ARHGAP39: variants seen among roughly 807,000 people sequenced by gnomAD.
ARHGAP39 encodes the protein Rho GTPase activating protein 39, also known as rho GTPase-activating protein 39.
A neutral mutation model predicts 106.9 loss-of-function variants in ARHGAP39; 44 were observed. The observed-to-expected ratio is 0.41, with a 90% CI of 0.32 to 0.53. The LOEUF (loss-of-function observed/expected upper bound fraction) is 0.53, where lower values mean the gene tolerates loss of function less well. Ranked by LOEUF, ARHGAP39 falls within the 20% of genes least tolerant of loss-of-function variation. The pLI, the probability that ARHGAP39 is intolerant of heterozygous loss-of-function variation, is 0.21. For missense variants in ARHGAP39, 1,496 were observed against 1,577.3 expected (o/e 0.95, Z 0.87); for synonymous variants, 768 against 693.2 (o/e 1.11, Z -1.69).
In ARHGAP39 at chr8:144,579,067, T is replaced by C. The variant is rs556472945; in HGVS notation, c.512+1779A>G. On this transcript the variant is annotated intron_variant, in intron 3 of 11. Transcript: ENST00000377307. ...AACACAAAAAATTAGCTGGGCGTGGTGGCAGGTGCCTGTAGTCCCAGCTAC... is the reference window on the plus strand; with the variant it reads ...AACACAAAAAATTAGCTGGGCGTGGCGGCAGGTGCCTGTAGTCCCAGCTAC... Among the ~76,000 whole-genome samples the C allele has an allele frequency of 1.4e-3, 210 of 151,572 alleles. 1 individual carries two copies. Among genetic ancestry groups the C allele is most frequent in the Middle Eastern group, 3.4e-3 (1 of 290 alleles).
intron 1 of ARHGAP39, among the ~76,000 whole-genome samples, chr8:144,685,122 C>T (rs981381592): frequency 2.0e-5 from 3 of 148,550 alleles, no homozygotes; most frequent in South Asian, 4.2e-4. Context: ...CAGGGGCACA[C>T]TCACACCCAT....
intron 7 of ARHGAP39, 107 bp from the exon 8 acceptor site, chr8:144,534,309 G>A: frequency 7.8e-7 from 1 of 1,285,458 alleles, no homozygotes; most frequent in Non-Finnish European, 1.1e-6. Flanking sequence ...GGCTGGGCTG[G>A]CCTTGCCCCG....
At chr8:144,551,932 T>C (rs1817708934) in intron 4 of ARHGAP39, among the ~76,000 whole-genome samples, 1 of 152,150 alleles carries the variant, frequency 6.6e-6, no homozygotes, top group Admixed American at 6.6e-5. Context: ...CCAGGGCAAG[T>C]GGAATCCCAG....
intron 7 of ARHGAP39, among the ~76,000 whole-genome samples, chr8:144,536,605 A>G (rs1472786468): frequency 1.3e-5 from 2 of 152,116 alleles, no homozygotes; most frequent in South Asian, 2.1e-4. Context: ...TCACCCCTAC[A>G]TTGCAGCTGG....
chr8:144,543,954 GACATTCCC>G (rs1564838206), intron 6 of ARHGAP39: 101 of 152,500 alleles, frequency 6.6e-4, no homozygotes, highest in African/African-American at 2.2e-3. Flanking sequence ...GCTCAGGCAC[GACATTCCC>G]AGGCCCCTCT....
At chr8:144,563,455 T>G (rs972806142) in intron 3 of ARHGAP39, among the ~76,000 whole-genome samples, 5 of 152,208 alleles carry the variant, frequency 3.3e-5, no homozygotes, top group Non-Finnish European at 7.4e-5. Context: ...AGTCTCTGCA[T>G]GAGAAAAACC....
chr8:144,572,130 A>G (rs905418174), intron 3 of ARHGAP39, among the ~76,000 whole-genome samples: 1 of 152,240 alleles, frequency 6.6e-6, no homozygotes, highest in African/African-American at 2.4e-5. Flanking sequence ...AAATTACTTT[A>G]AAGTTCAGAT....
At position 144,547,838 on chromosome 8, in the gene ARHGAP39, G is replaced by T. The variant is rs1817517282; in HGVS notation, c.1248C>A (p.His416Gln). ...CACCGCCGGGGTTGGGCGCGTACTT[G>T]TGCCGCGGGCCGGCGCGCAGCTTGG... ...SSPKLRAGPR[H>Q]KYAPNPGGGS... The change falls in exon 5 of 12, where the codon CAC (histidine) becomes CAA (glutamine). Residue 416 changes from histidine (H) to glutamine (Q), a missense_variant. By Grantham distance (24) the His-to-Gln change is conservative. Coordinates refer to ENST00000377307, the MANE Select transcript of ARHGAP39 (RefSeq NM_025251.3). The surrounding 1 kb of genome is among the most constrained non-coding windows in gnomAD (Gnocchi z 5.2). The T allele has an allele frequency of 6.3e-7, 1 of 1,590,122 alleles. No homozygotes were observed.
chr8:144,690,400 A>G (rs1480949727), upstream of ARHGAP39, among the ~76,000 whole-genome samples: 3 of 151,948 alleles, frequency 2.0e-5, no homozygotes, highest in Admixed American at 2.0e-4. Context: ...GCCACTGCAA[A>G]ATTGTACCAT....
At chr8:144,530,996 G>A (rs1474564418) in intron 10 of ARHGAP39, 125 bp from the exon 11 acceptor site, 2 of 1,267,718 alleles carry the variant, frequency 1.6e-6, no homozygotes, top group Non-Finnish European at 2.1e-6. Context: ...GGCTCATTCT[G>A]GACAGGGCCC....
intron 2 of ARHGAP39, among the ~76,000 whole-genome samples, chr8:144,595,939 T>C (rs919007700): frequency 1.3e-5 from 2 of 152,086 alleles, no homozygotes; most frequent in Non-Finnish European, 2.9e-5. Context: ...CTGCTCCTCT[T>C]TCTATCCTTA....
intron 2 of ARHGAP39, among the ~76,000 whole-genome samples, chr8:144,588,026 C>T (rs1485461625): frequency 1.3e-5 from 2 of 152,192 alleles, no homozygotes; most frequent in South Asian, 2.1e-4. Flanking sequence ...ATGCAGAGCT[C>T]GAGACACCGA....
chr8:144,582,444 C>T (rs1056889223), intron 2 of ARHGAP39, among the ~76,000 whole-genome samples: 2 of 152,228 alleles, frequency 1.3e-5, no homozygotes, highest in Non-Finnish European at 2.9e-5. Flanking sequence ...CACACAGTGG[C>T]GGCGGCCCCA....
In ARHGAP39 at chr8:144,591,877, G is replaced by C. The variant is rs777806531; in HGVS notation, c.81-10600C>G. ...GATGGCGGCGTCGCCTCGTCGCCTC[G>C]TGCCTGCGGGGAGTGCTGCCTGTGG... On this transcript the variant is annotated intron_variant, in intron 2 of 11. Coordinates refer to ENST00000377307, the MANE Select transcript of ARHGAP39 (RefSeq NM_025251.3). This position sits in a 1 kb window ranked among gnomAD's most constrained non-coding sequence, Gnocchi z 5.3. Among the ~76,000 whole-genome samples the C allele has an allele frequency of 1.3e-5, 2 of 152,128 alleles. No homozygotes were observed. The highest frequency in any genetic ancestry group is 4.8e-5 in the African/African-American group (2 of 41,430).
At chr8:144,537,082 G>A (rs957265688) in intron 7 of ARHGAP39, among the ~76,000 whole-genome samples, 6 of 152,128 alleles carry the variant, frequency 3.9e-5, no homozygotes, top group East Asian at 1.9e-4. Flanking sequence ...GTCTGACAGC[G>A]TAGCTCTCAA....
chr8:144,675,188 G>T (rs1289421899), intron 1 of ARHGAP39, among the ~76,000 whole-genome samples: 1 of 152,108 alleles, frequency 6.6e-6, no homozygotes, highest in Non-Finnish European at 1.5e-5. Context: ...CTCCAGACAA[G>T]CCACCAATGC....
At chr8:144,698,978 G>A in the ARHGAP39 span, 5 of 426,990 alleles carry the variant, frequency 1.2e-5, no homozygotes, top group Non-Finnish European at 2.4e-5. Context: ...CCCCAGCCGC[G>A]TTTCTCTTTG....
chr8:144,690,445 A>T (rs187407994), upstream of ARHGAP39, among the ~76,000 whole-genome samples: 1 of 151,808 alleles, frequency 6.6e-6, no homozygotes, highest in Admixed American at 6.6e-5. Context: ...AAGGGCTCCA[A>T]TTTCTCCATA....
chr8:144,697,182 C>T, the ARHGAP39 span, among the ~76,000 whole-genome samples: 2 of 151,962 alleles, frequency 1.3e-5, no homozygotes, highest in Admixed American at 1.3e-4. Flanking sequence ...AGAAAATTAG[C>T]CAGGCATGAT....
Sources: gnomAD v4.1 joint callset for allele counts (sites outside exome capture counted in the v4.1 genomes callset) on GRCh38, gnomAD v4.1.1 for gene constraint, Gnocchi (gnomAD v3.1) non-coding constraint, MANE v1.5 for transcripts, NCBI Gene and HGNC (gene_info 2026-07-23, HGNC 2026-07-21) for gene names.